TBC1D22A: variants seen among roughly 807,000 people sequenced by gnomAD.
The protein encoded by TBC1D22A is putative GTPase activator.
A neutral mutation model predicts 60.2 loss-of-function variants in TBC1D22A; 38 were observed. The observed-to-expected ratio is 0.63, with a 90% confidence interval of 0.49 to 0.83. The LOEUF is 0.83. TBC1D22A is among the 40% of genes least tolerant of loss of function. The pLI, the probability that TBC1D22A is intolerant of heterozygous loss-of-function variation, is 0.00. For missense variants in TBC1D22A, 628 were observed against 701.0 expected (o/e 0.90, Z 1.18); for synonymous variants, 302 against 281.7 (o/e 1.07, Z -0.72).
rs2068629947 is a variant in TBC1D22A at position 47,174,912 on chromosome 22, G to A, written c.*1286G>A. 1 of 152,284 alleles carries A rather than the reference G, an allele frequency of 6.6e-6. No homozygotes were observed. Among genetic ancestry groups the A allele is most frequent in the South Asian group, 2.1e-4 (1 of 4,832 alleles). 9.4% of individuals were successfully genotyped at this position (152,284 alleles called of 1,614,324 possible). ...ACTGGCTTCCCAGCGTTCCCTCGGT[G>A]TGTCACAGGCTGCATGACCCCTGGA... On this transcript the variant is annotated 3_prime_UTR_variant, in exon 13 of 13. Transcript: ENST00000337137.
intron 11 of TBC1D22A, among the ~76,000 whole-genome samples, chr22:47,071,589 C>T (rs537102975): frequency 1.5e-4 from 23 of 152,346 alleles, no homozygotes; most frequent in African/African-American, 5.1e-4. Flanking sequence ...TCACTCGGGG[C>T]CGGCGGGAAA....
chr22:47,169,343 G>A (rs1346731534), intron 12 of TBC1D22A, among the ~76,000 whole-genome samples: 1 of 152,124 alleles, frequency 6.6e-6, no homozygotes. Context: ...AGTGTCTAGG[G>A]CACACCCAAG....
At chr22:47,002,209 C>T (rs980080780) in intron 10 of TBC1D22A, among the ~76,000 whole-genome samples, 2 of 152,234 alleles carry the variant, frequency 1.3e-5, no homozygotes, top group Admixed American at 6.5e-5. Context: ...ACATCGAGAA[C>T]GCTTACACCT....
intron 8 of TBC1D22A, among the ~76,000 whole-genome samples, chr22:46,944,587 A>G (rs1276128631): frequency 1.3e-5 from 2 of 152,148 alleles, no homozygotes; most frequent in Non-Finnish European, 2.9e-5. Flanking sequence ...TTTAGTAGAG[A>G]TGGGGTTTCA....
intron 1 of TBC1D22A, among the ~76,000 whole-genome samples, chr22:46,767,848 G>T (rs1219535956): frequency 6.6e-6 from 1 of 152,146 alleles, no homozygotes; most frequent in Non-Finnish European, 1.5e-5. Flanking sequence ...CTGGGGCCAG[G>T]GTGGGTCTGG....
intron 8 of TBC1D22A, among the ~76,000 whole-genome samples, chr22:46,937,162 T>C (rs1267331964): frequency 6.6e-6 from 1 of 152,160 alleles, no homozygotes; most frequent in African/African-American, 2.4e-5. Flanking sequence ...TTTATAAGGA[T>C]TGATGTTTTG....
intron 12 of TBC1D22A, 44 bp downstream of exon 12, chr22:47,111,647 C>G (rs1449275071): frequency 6.5e-7 from 1 of 1,546,092 alleles, no homozygotes; most frequent in Non-Finnish European, 8.9e-7. Context: ...TGATTTTCTA[C>G]TAGGAGAGAG....
At chr22:46,792,903 T>C (rs564128263) in intron 2 of TBC1D22A, 3 of 1,396,552 alleles carry the variant, frequency 2.1e-6, no homozygotes, top group East Asian at 2.5e-5. Context: ...CCCTCCTCCT[T>C]CCCGCATTCT....
At chr22:46,819,178 A>G (rs2085723207) in intron 4 of TBC1D22A, among the ~76,000 whole-genome samples, 1 of 152,166 alleles carries the variant, frequency 6.6e-6, no homozygotes, top group Non-Finnish European at 1.5e-5. Context: ...GTCATCTGCA[A>G]ACAGAGACAA....
intron 2 of TBC1D22A, 124 bp from the exon 3 acceptor site, chr22:46,793,377 C>T (rs966062574): frequency 1.2e-5 from 11 of 914,316 alleles, no homozygotes; most frequent in East Asian, 1.1e-4. Flanking sequence ...TGCTTTTTCA[C>T]TCACTATTGC....
At chr22:47,138,534 C>A (rs780647792) in intron 12 of TBC1D22A, among the ~76,000 whole-genome samples, 2 of 152,208 alleles carry the variant, frequency 1.3e-5, no homozygotes, top group Non-Finnish European at 2.9e-5. Context: ...CCCTAGTGAA[C>A]CTTGCCTCTT....
intron 1 of TBC1D22A, among the ~76,000 whole-genome samples, chr22:46,770,217 C>T (rs933553991): frequency 2.6e-5 from 4 of 152,160 alleles, no homozygotes; most frequent in East Asian, 1.9e-4. Flanking sequence ...GAATGTGGCG[C>T]GGCTTCTAGA....
chr22:47,040,293 G>C (rs891534037), intron 11 of TBC1D22A, among the ~76,000 whole-genome samples: 1 of 152,132 alleles, frequency 6.6e-6, no homozygotes, highest in Admixed American at 6.6e-5. Flanking sequence ...TCACTCACTA[G>C]CATGAGAACG....
intron 6 of TBC1D22A, among the ~76,000 whole-genome samples, chr22:46,893,291 T>C (rs2068498163): frequency 6.6e-6 from 1 of 152,208 alleles, no homozygotes; most frequent in Non-Finnish European, 1.5e-5. Flanking sequence ...CCTCCCTCAG[T>C]CAGCTCTCTT....
intron 8 of TBC1D22A, among the ~76,000 whole-genome samples, chr22:46,961,019 G>GA (rs34680583): frequency 1.1e-3 from 144 of 127,550 alleles, no homozygotes; most frequent in South Asian, 2.4e-3. Flanking sequence ...TCAGAGACAA[G>GA]AAAAAAAAAA....
chr22:47,121,281 G>A (rs975115520), intron 12 of TBC1D22A, among the ~76,000 whole-genome samples: 1 of 152,240 alleles, frequency 6.6e-6, no homozygotes, highest in Non-Finnish European at 1.5e-5. Context: ...TCATTCTGAT[G>A]AGGGGTGTGA....
chr22:46,933,632 G>T (rs1460925703), intron 8 of TBC1D22A, among the ~76,000 whole-genome samples: 1 of 152,180 alleles, frequency 6.6e-6, no homozygotes, highest in Non-Finnish European at 1.5e-5. Context: ...CACTGGGGGG[G>T]GGTTGGCCCC....
At position 47,174,323 on chromosome 22, in the gene TBC1D22A, C is replaced by G. The variant is rs1433260647; in HGVS notation, c.*697C>G. ...CATCGCCTTACTTTCCACCTTGAAC[C>G]TCTTTTACAAGAGAGAAACCCCCAC... is the stretch of plus-strand genomic sequence containing the variant. On this transcript the variant is annotated 3_prime_UTR_variant, in exon 13 of 13. Transcript: ENST00000337137. The G allele has an allele frequency of 6.6e-6, 1 of 152,314 alleles. No homozygotes were observed. Among genetic ancestry groups the G allele is most frequent in the African/African-American group, 2.4e-5 (1 of 41,466 alleles). 9.4% of individuals were successfully genotyped at this position (152,314 alleles called of 1,614,324 possible). A position where few individuals can be genotyped will look rare whatever the true frequency, so the allele number is the denominator to read the frequency against.
chr22:46,773,820 G>A, intron 1 of TBC1D22A: 1 of 552,390 alleles, frequency 1.8e-6, no homozygotes, highest in Non-Finnish European at 2.3e-6. Context: ...ATAGCAGCTG[G>A]GGGTGGTACC....
Sources: gnomAD v4.1 joint callset for allele counts (sites outside exome capture counted in the v4.1 genomes callset) on GRCh38, gnomAD v4.1.1 for gene constraint, MANE v1.5 for transcripts, NCBI Gene and HGNC (gene_info 2026-07-23, HGNC 2026-07-21) for gene names.